The following CASP8 variants were observed in gnomAD, a reference collection of about 807,000 sequenced individuals.
CASP8 encodes the protein caspase-8.
CASP8 carries 24 observed loss-of-function variants against 46.3 expected under a neutral mutation model. That is an observed-to-expected ratio of 0.52 (90% confidence interval 0.38 to 0.73). The LOEUF (loss-of-function observed/expected upper bound fraction) is 0.73, where lower values mean the gene tolerates loss of function less well. Among genes scored for constraint, CASP8 ranks in the 30% least tolerant of loss-of-function variants. The probability of loss-of-function intolerance (pLI) is 0.00; values close to 1 mark genes in which losing one functional copy is unlikely to be tolerated. For missense variants in CASP8, 460 were observed against 559.0 expected (o/e 0.82, Z 1.79); for synonymous variants, 188 against 200.4 (o/e 0.94, Z 0.52).
At chr2:201,283,547 G>A (rs1949293848) in intron 7 of CASP8, among the ~76,000 whole-genome samples, 5 of 86,294 alleles carry the variant, frequency 5.8e-5, no homozygotes, top group Non-Finnish European at 8.1e-5. Context: ...CCTCCCGGAC[G>A]GGGCGGCTGG....
chr2:201,258,583 C>T (rs1947155829), upstream of CASP8, among the ~76,000 whole-genome samples: 1 of 152,202 alleles, frequency 6.6e-6, no homozygotes, highest in African/African-American at 2.4e-5. Flanking sequence ...TACTTTTTCA[C>T]TCTGAGCAGT....
chr2:201,269,656 C>G, intron 2 of CASP8: 1 of 1,304,036 alleles, frequency 7.7e-7, no homozygotes, highest in South Asian at 1.2e-5. Context: ...ATAAAAGGGT[C>G]CGGGCAATCC....
intron 2 of CASP8, among the ~76,000 whole-genome samples, chr2:201,249,507 C>T (rs1946680941): frequency 6.6e-6 from 1 of 152,232 alleles, no homozygotes. Context: ...TGCTTATTTG[C>T]CATCTGCGTA....
chr2:201,239,828 T>G (rs1034155077), intron 2 of CASP8, among the ~76,000 whole-genome samples: 4 of 152,216 alleles, frequency 2.6e-5, no homozygotes, highest in Admixed American at 6.5e-5. Flanking sequence ...ACTTTTGATA[T>G]TGTCCCTGAT....
At chr2:201,251,865 G>A (rs796849946) in intron 2 of CASP8, among the ~76,000 whole-genome samples, 82 of 150,666 alleles carry the variant, frequency 5.4e-4, no homozygotes, top group African/African-American at 1.8e-3. Context: ...CACACTTGCC[G>A]TTGCACTCCA....
At chr2:201,245,843 T>C (rs1946488943) in intron 2 of CASP8, among the ~76,000 whole-genome samples, 1 of 151,804 alleles carries the variant, frequency 6.6e-6, no homozygotes, top group Non-Finnish European at 1.5e-5. Flanking sequence ...CTTTTCTTTC[T>C]GTTGCTTTTC....
chr2:201,285,422 T>G (rs976111763), intron 8 of CASP8, 105 bp downstream of exon 8: 18 of 1,381,110 alleles, frequency 1.3e-5, no homozygotes, highest in Non-Finnish European at 1.8e-5. Flanking sequence ...AAGTGCTATG[T>G]GATTTAGATC....
chr2:201,234,549 A>G (rs1194378831), intron 2 of CASP8, among the ~76,000 whole-genome samples: 1 of 151,794 alleles, frequency 6.6e-6, no homozygotes, highest in African/African-American at 2.4e-5. Context: ...TCCCGGGTTC[A>G]GGTGATTCTC....
intron 6 of CASP8, among the ~76,000 whole-genome samples, chr2:201,275,857 T>C (rs546958729): frequency 6.6e-6 from 1 of 152,166 alleles, no homozygotes; most frequent in Non-Finnish European, 1.5e-5. Flanking sequence ...TTATAGGTAC[T>C]AGCCACCGTG....
intron 2 of CASP8, among the ~76,000 whole-genome samples, chr2:201,235,785 A>T (rs1946022453): frequency 6.6e-6 from 1 of 152,232 alleles, no homozygotes; most frequent in African/African-American, 2.4e-5. Context: ...GACCGACCAC[A>T]TATATGATGG....
intron 2 of CASP8, among the ~76,000 whole-genome samples, chr2:201,237,561 G>A (rs1946111564): frequency 6.6e-6 from 1 of 152,096 alleles, no homozygotes; most frequent in African/African-American, 2.4e-5. Flanking sequence ...TGATTTTCTG[G>A]TGTAAAATTT....
At chr2:201,245,922 C>T (rs1276492031) in intron 2 of CASP8, among the ~76,000 whole-genome samples, 1 of 139,570 alleles carries the variant, frequency 7.2e-6, no homozygotes, top group East Asian at 2.0e-4. Flanking sequence ...GACTGGAGTG[C>T]AATGGTGCAA....
At chr2:201,239,319 G>T (rs527506330) in intron 2 of CASP8, among the ~76,000 whole-genome samples, 2 of 152,152 alleles carry the variant, frequency 1.3e-5, no homozygotes, top group African/African-American at 4.8e-5. Context: ...GGGCAGAGGG[G>T]CTCCTCACCT....
chr2:201,251,845 G>A (rs1029975993), intron 2 of CASP8, among the ~76,000 whole-genome samples: 1 of 151,646 alleles, frequency 6.6e-6, no homozygotes, highest in East Asian at 1.9e-4. Context: ...AGGCTGTAGT[G>A]AGCCAAGATC....
chr2:201,242,318 T>C (rs1402022577), intron 2 of CASP8: 1 of 152,086 alleles, frequency 6.6e-6, no homozygotes, highest in Admixed American at 6.6e-5. Flanking sequence ...ACACAGAAAT[T>C]TATTTTTCAC....
Position 201,269,524 on chromosome 2 carries a change from G to A in CASP8, c.306-1992G>A, listed in dbSNP as rs368609027. On this transcript the variant is annotated intron_variant, in intron 2 of 8. Transcript: ENST00000673742. ...GTCCTTTGAAGGTTCCACTTCTGCC[G>A]CATGAGCTGGGCTGAAGCAAACAGC... 39 of 1,612,676 alleles carry A rather than the reference G, an allele frequency of 2.4e-5. No homozygotes were observed. Among genetic ancestry groups the A allele is most frequent in the African/African-American group, 9.3e-5 (7 of 75,010 alleles).
intron 2 of CASP8, among the ~76,000 whole-genome samples, chr2:201,235,792 ATGG>A (rs1356897735): frequency 6.6e-6 from 1 of 152,220 alleles, no homozygotes; most frequent in African/African-American, 2.4e-5. Context: ...CACATATATG[ATGG>A]TGGTCTCATA....
intron 2 of CASP8, among the ~76,000 whole-genome samples, chr2:201,243,476 A>C (rs1946384709): frequency 6.6e-6 from 1 of 152,240 alleles, no homozygotes; most frequent in Non-Finnish European, 1.5e-5. Context: ...TACTTTTAAG[A>C]AACTCAGACA....
chr2:201,252,678 T>C (rs1946838288), intron 2 of CASP8, among the ~76,000 whole-genome samples: 1 of 152,262 alleles, frequency 6.6e-6, no homozygotes, highest in East Asian at 1.9e-4. Context: ...CAACATGTCA[T>C]GTCAGGTGAG....
Sources: allele counts gnomAD v4.1 joint callset (sites outside exome capture counted in the v4.1 genomes callset), GRCh38; gene constraint gnomAD v4.1.1; transcripts MANE v1.5; gene names NCBI Gene and HGNC (gene_info 2026-07-23, HGNC 2026-07-21).